Variants in PBX3 observed in about 807,000 individuals in gnomAD.
PBX3 encodes PBX homeobox 3.
A neutral mutation model predicts 48.5 loss-of-function variants in PBX3; 14 were observed. That is an observed-to-expected ratio of 0.29 (90% CI 0.19 to 0.45). The LOEUF (loss-of-function observed/expected upper bound fraction) is 0.45. PBX3 is among the 20% of genes least tolerant of loss of function. PBX3 has a pLI of 1.00. For missense variants in PBX3, 386 were observed against 546.7 expected, an observed-to-expected ratio of 0.71 and a Z score of 2.93; for synonymous variants, 210 against 200.3, an observed-to-expected ratio of 1.05 and a Z score of -0.41.
intron 2 of PBX3, among the ~76,000 whole-genome samples, chr9:125,896,118 C>T (rs191449861): frequency 6.6e-6 from 1 of 151,950 alleles, no homozygotes; most frequent in Non-Finnish European, 1.5e-5. Flanking sequence ...TAAAAATGTT[C>T]TTATTTCCTT....
intron 8 of PBX3, among the ~76,000 whole-genome samples, chr9:125,964,191 C>T (rs984339426): frequency 6.6e-6 from 1 of 152,154 alleles, no homozygotes; most frequent in Non-Finnish European, 1.5e-5. Context: ...TAATCTCAAA[C>T]CACCAGAGTA....
At chr9:125,944,166 TG>T (rs1158627863) in intron 5 of PBX3, among the ~76,000 whole-genome samples, 1 of 152,228 alleles carries the variant, frequency 6.6e-6, no homozygotes, top group Non-Finnish European at 1.5e-5. Context: ...GATTCTGTGA[TG>T]TTTGCATCCA....
intron 2 of PBX3, among the ~76,000 whole-genome samples, chr9:125,895,074 A>G (rs1478983077): frequency 6.6e-6 from 1 of 152,156 alleles, no homozygotes; most frequent in Non-Finnish European, 1.5e-5. Flanking sequence ...GATTCATCAT[A>G]TAATTCAGAG....
intron 2 of PBX3, among the ~76,000 whole-genome samples, chr9:125,897,367 T>C (rs1489350008): frequency 6.6e-6 from 1 of 151,886 alleles, no homozygotes; most frequent in Non-Finnish European, 1.5e-5. Context: ...TTGCTTGTTA[T>C]GCCATCCAAT....
In PBX3 at chr9:125,747,555, C is replaced by G. The variant is rs781625025; in HGVS notation, c.102C>G (p.His34Gln). The G allele has an allele frequency of 6.2e-7, 1 of 1,606,496 alleles. No homozygotes were observed. Among genetic ancestry groups the G allele is most frequent in the Non-Finnish European group, 8.5e-7 (1 of 1,176,712 alleles). Residue 34 changes from histidine (H) to glutamine (Q), a missense_variant, in exon 1 of 9, where the codon CAC (histidine) becomes CAG (glutamine). By Grantham distance (24) the His-to-Gln change is conservative (BLOSUM62 0). Transcript: ENST00000373489. ...GMALPPPPHGHEGADGDGRKQ... is the reference protein window; with the variant it reads ...GMALPPPPHGQEGADGDGRKQ... Reference sequence around the variant, plus strand: ...CCCTGCCGCCTCCCCCGCACGGCCACGAAGGGGCGGACGGCGACGGCAGGA... The same window carrying G: ...CCCTGCCGCCTCCCCCGCACGGCCAGGAAGGGGCGGACGGCGACGGCAGGA...
At chr9:125,822,061 G>T (rs1236404643) in intron 2 of PBX3, among the ~76,000 whole-genome samples, 3 of 152,010 alleles carry the variant, frequency 2.0e-5, no homozygotes, top group Non-Finnish European at 4.4e-5. Flanking sequence ...TTTCTGTCAG[G>T]AGTAAATTAG....
At chr9:125,935,747 G>C in intron 5 of PBX3, 140 bp downstream of exon 5, 1 of 908,512 alleles carries the variant, frequency 1.1e-6, no homozygotes, top group Non-Finnish European at 1.6e-6. Context: ...TATTTCCACA[G>C]TTTTAGGCAA....
chr9:125,798,517 T>A (rs1488282565), intron 2 of PBX3, among the ~76,000 whole-genome samples: 1 of 151,326 alleles, frequency 6.6e-6, no homozygotes, highest in Admixed American at 6.6e-5. Context: ...GAAAATAATT[T>A]TTAGAATAGT....
At chr9:125,807,039 T>C (rs1438401175) in intron 2 of PBX3, among the ~76,000 whole-genome samples, 1 of 152,196 alleles carries the variant, frequency 6.6e-6, no homozygotes, top group Admixed American at 6.5e-5. Flanking sequence ...GAAAGAAATA[T>C]TAGCTGGGCA....
At chr9:125,854,823 C>A (rs1839678265) in intron 2 of PBX3, among the ~76,000 whole-genome samples, 1 of 152,106 alleles carries the variant, frequency 6.6e-6, no homozygotes, top group Admixed American at 6.6e-5. Flanking sequence ...GCCATGGGTT[C>A]CAAACTCCCA....
chr9:125,816,471 A>G (rs1476898474), intron 2 of PBX3, among the ~76,000 whole-genome samples: 1 of 152,180 alleles, frequency 6.6e-6, no homozygotes, highest in Non-Finnish European at 1.5e-5. Flanking sequence ...GTGCTTTTAC[A>G]TTGTTCGGAG....
chr9:125,928,215 A>T (rs1042391756), intron 3 of PBX3, among the ~76,000 whole-genome samples: 19 of 152,034 alleles, frequency 1.2e-4, no homozygotes, highest in East Asian at 5.8e-4. Context: ...ATAATAATAA[A>T]AAATACATAA....
intron 5 of PBX3, among the ~76,000 whole-genome samples, chr9:125,948,617 C>A (rs1842115679): frequency 6.6e-6 from 1 of 151,592 alleles, no homozygotes; most frequent in Non-Finnish European, 1.5e-5. Flanking sequence ...AAATTTATAG[C>A]TTTATATATA....
At chr9:125,859,684 G>T (rs1291864554) in intron 2 of PBX3, among the ~76,000 whole-genome samples, 2 of 152,112 alleles carry the variant, frequency 1.3e-5, no homozygotes, top group South Asian at 2.1e-4. Flanking sequence ...TTGTTGGTGT[G>T]GTCAGTGTAA....
At chr9:125,880,333 G>A (rs1221994847) in intron 2 of PBX3, among the ~76,000 whole-genome samples, 1 of 152,206 alleles carries the variant, frequency 6.6e-6, no homozygotes, top group Admixed American at 6.5e-5. Context: ...GTGAGCCACT[G>A]TTCTCAACCG....
At chr9:125,909,310 G>A (rs550974115) in intron 2 of PBX3, among the ~76,000 whole-genome samples, 12 of 152,242 alleles carry the variant, frequency 7.9e-5, no homozygotes, top group African/African-American at 2.9e-4. Flanking sequence ...AAATAGGTTT[G>A]AAGAGCAAAG....
chr9:125,935,431 C>T (rs766572174), intron 4 of PBX3, 41 bp from the exon 5 acceptor site: 1 of 1,601,102 alleles, frequency 6.2e-7, no homozygotes, highest in Non-Finnish European at 8.5e-7. Flanking sequence ...TAGGTTAATG[C>T]TGATTGTAAC....
intron 2 of PBX3, among the ~76,000 whole-genome samples, chr9:125,782,424 A>T (rs1479105132): frequency 6.6e-6 from 1 of 152,078 alleles, no homozygotes; most frequent in Non-Finnish European, 1.5e-5. Flanking sequence ...GGTTTTGCCC[A>T]CCTAGTTTCA....
intron 2 of PBX3, among the ~76,000 whole-genome samples, chr9:125,832,474 CG>C (rs1209270741): frequency 2.0e-5 from 3 of 152,236 alleles, no homozygotes; most frequent in Non-Finnish European, 4.4e-5. Context: ...GGATTACAGG[CG>C]TGAGCCCCTG....
Sources: allele counts gnomAD v4.1 joint callset (sites outside exome capture counted in the v4.1 genomes callset), GRCh38; gene constraint gnomAD v4.1.1; transcripts MANE v1.5; gene names NCBI Gene and HGNC (gene_info 2026-07-23, HGNC 2026-07-21).